GLYR1: variants seen among roughly 807,000 people sequenced by gnomAD.
GLYR1 encodes the protein cytokine-like nuclear factor N-PAC.
Under a neutral mutation model 72.7 loss-of-function variants are expected in GLYR1, and 21 were observed. That is an observed-to-expected ratio of 0.29 (90% CI 0.20 to 0.42). GLYR1 has a LOEUF of 0.42. GLYR1 is among the 10% of genes least tolerant of loss of function. GLYR1 has a pLI of 1.00. For synonymous variants in GLYR1, 392 were observed against 270.2 expected, an observed-to-expected ratio of 1.45 and a Z score of -4.42; for missense variants, 594 against 712.1, an observed-to-expected ratio of 0.83 and a Z score of 1.89.
intron 3 of GLYR1, among the ~76,000 whole-genome samples, chr16:4,842,492 C>T (rs1042039304): frequency 6.6e-5 from 10 of 151,400 alleles, no homozygotes; most frequent in African/African-American, 2.4e-4. Flanking sequence ...TGGGACTACA[C>T]TTGTGTGCCA....
chr16:4,814,330 C>G (rs2083492901), intron 11 of GLYR1, among the ~76,000 whole-genome samples: 1 of 152,200 alleles, frequency 6.6e-6, no homozygotes, highest in African/African-American at 2.4e-5. Context: ...TTCAAGGGCC[C>G]TAGTAGTGTT....
At chr16:4,830,414 C>G (rs1041360923) in intron 5 of GLYR1, among the ~76,000 whole-genome samples, 3 of 152,102 alleles carry the variant, frequency 2.0e-5, no homozygotes, top group Non-Finnish European at 4.4e-5. Flanking sequence ...GGCTAGAACC[C>G]TGTGGACAGA....
intron 3 of GLYR1, 120 bp from the exon 4 acceptor site, chr16:4,833,032 C>A: frequency 1.2e-6 from 1 of 838,260 alleles, no homozygotes. Flanking sequence ...TGCAATAGGC[C>A]TTGCCATTTC....
chr16:4,822,738 T>G (rs1389117482), intron 7 of GLYR1, 137 bp downstream of exon 7: 1 of 722,336 alleles, frequency 1.4e-6, no homozygotes, highest in Non-Finnish European at 2.4e-6. Flanking sequence ...CGGGCCCATA[T>G]GGGGGCTTCT....
intron 1 of GLYR1, 122 bp from the exon 2 acceptor site, chr16:4,846,332 G>C: frequency 9.3e-7 from 1 of 1,077,632 alleles, no homozygotes; most frequent in African/African-American, 1.6e-5. Context: ...CGAAACAAAA[G>C]CTTTCATAGC....
At chr16:4,811,869 TCACCTCTGCTCAGACC>T in intron 13 of GLYR1, 67 bp from the exon 14 acceptor site, 1 of 1,528,898 alleles carries the variant, frequency 6.5e-7, no homozygotes, top group Non-Finnish European at 8.8e-7. Context: ...CTGTCCACCC[TCACCTCTGCTCAGACC>T]CACCTCTCTC....
chr16:4,844,586 C>G (rs2085829065), intron 3 of GLYR1, among the ~76,000 whole-genome samples: 1 of 152,144 alleles, frequency 6.6e-6, no homozygotes, highest in Non-Finnish European at 1.5e-5. Flanking sequence ...TCCTGGGCAA[C>G]ATGGTAAAAC....
chr16:4,842,382 C>T (rs1272179624), intron 3 of GLYR1, among the ~76,000 whole-genome samples: 1 of 152,140 alleles, frequency 6.6e-6, no homozygotes, highest in East Asian at 1.9e-4. Flanking sequence ...CAGGGTCTAG[C>T]TCTGTCACCC....
rs569293876 is a variant in GLYR1 at position 4,843,705 on chromosome 16, G to T, written c.155+1369C>A. ...CTTTCTAAGTAGAAATACTTTAACC[G>T]TCAGAATTAGATTTACCAGAGAAGC... On this transcript the variant is annotated intron_variant, in intron 3 of 15. Transcript: ENST00000321919. 14 of 1,167,160 alleles carry T rather than the reference G, an allele frequency of 1.2e-5. No homozygotes were observed. In the East Asian group the frequency reaches 4.3e-4, roughly 36 times the overall value. 72.3% of individuals were successfully genotyped at this position (1,167,160 alleles called of 1,614,324 possible). A position where few individuals can be genotyped will look rare whatever the true frequency, so the allele number is the denominator to read the frequency against.
At chr16:4,827,153 C>G (rs1049840601) in intron 5 of GLYR1, among the ~76,000 whole-genome samples, 1 of 152,232 alleles carries the variant, frequency 6.6e-6, no homozygotes, top group South Asian at 2.1e-4. Flanking sequence ...TTCCATTAAT[C>G]CTCACGGGGC....
chr16:4,838,243 A>G (rs2142034152), intron 3 of GLYR1, among the ~76,000 whole-genome samples: 1 of 152,208 alleles, frequency 6.6e-6, no homozygotes, highest in Middle Eastern at 3.4e-3. Flanking sequence ...TATTAACCAC[A>G]TATTCTTCTA....
chr16:4,812,028 T>G (rs1363021925), intron 13 of GLYR1, 58 bp downstream of exon 13: 13 of 1,573,774 alleles, frequency 8.3e-6, no homozygotes, highest in Non-Finnish European at 3.4e-6. Context: ...CTGTCATCAG[T>G]GTGAAACAGA....
chr16:4,839,660 T>G (rs374675073), intron 3 of GLYR1: 1 of 152,180 alleles, frequency 6.6e-6, no homozygotes, highest in Non-Finnish European at 1.5e-5. Flanking sequence ...GACACCTGAT[T>G]AGGAAGGTCT....
chr16:4,816,262 G>T (rs1274647864), intron 10 of GLYR1, among the ~76,000 whole-genome samples: 3 of 152,060 alleles, frequency 2.0e-5, no homozygotes, highest in Non-Finnish European at 4.4e-5. Context: ...TCTGGCCTCA[G>T]CCTCCCAAGT....
At chr16:4,818,229 G>A (rs530004618) in intron 9 of GLYR1, among the ~76,000 whole-genome samples, 5 of 152,208 alleles carry the variant, frequency 3.3e-5, no homozygotes, top group South Asian at 2.1e-4. Context: ...TCCTGACCTC[G>A]TGATCTGCCC....
At position 4,805,146 on chromosome 16, in the gene GLYR1, G is replaced by T; in HGVS notation, c.*90C>A. 9.6e-7 allele frequency: 1 copy of T among 1,044,114 alleles called. No homozygotes were observed. The highest frequency in any genetic ancestry group is 1.5e-6 in the Non-Finnish European group (1 of 672,806). The allele number at this position is 1,044,114 out of a possible 1,614,324, so 64.7% of individuals were successfully genotyped here. A position where few individuals can be genotyped will look rare whatever the true frequency, so the allele number is the denominator to read the frequency against. On this transcript the variant is annotated 3_prime_UTR_variant, in exon 16 of 16. Coordinates refer to ENST00000321919, the MANE Select transcript of GLYR1 (RefSeq NM_032569.4). ...AAAGGAAATGGAGATAGGTGGGCTG[G>T]TCCAGAATGAACTCCCAGGCCCCCG...
In GLYR1 at chr16:4,834,292, T is replaced by C. The variant is rs528868873; in HGVS notation, c.156-1380A>G. ...GCTCCAACTAGAGGAGTTAGGCAAA[T>C]TCCTTTTTTTTTTTTTTTTTTTTTT... On this transcript the variant is annotated intron_variant, in intron 3 of 15. Transcript: ENST00000321919. Among the ~76,000 whole-genome samples the C allele has an allele frequency of 3.8e-3, 556 of 146,534 alleles. 2 individuals carry two copies. The highest frequency in any genetic ancestry group is 0.014 in the African/African-American group (527 of 37,556).
chr16:4,816,501 T>TA (rs2083651358), intron 10 of GLYR1, among the ~76,000 whole-genome samples: 1 of 152,220 alleles, frequency 6.6e-6, no homozygotes, highest in African/African-American at 2.4e-5. Context: ...CTATGTTTAA[T>TA]AAAAGCAACA....
Position 4,804,147 on chromosome 16 carries a change from G to A in GLYR1, c.*1089C>T, listed in dbSNP as rs534186037. 3 of 152,332 alleles carry A rather than the reference G, an allele frequency of 2.0e-5. No homozygotes were observed. The highest frequency in any genetic ancestry group is 2.9e-5 in the Non-Finnish European group (2 of 68,122). 9.4% of individuals were successfully genotyped at this position (152,332 alleles called of 1,614,324 possible). A position where few individuals can be genotyped will look rare whatever the true frequency, so the allele number is the denominator to read the frequency against. On this transcript the variant is annotated 3_prime_UTR_variant, in exon 16 of 16. Coordinates refer to ENST00000321919, the MANE Select transcript of GLYR1 (RefSeq NM_032569.4). ...AAATGCTCATCGTTGGTCAGGCTGGGTCTGGGCCAAAGGGACAGACAGAAA... is the reference window on the plus strand; with the variant it reads ...AAATGCTCATCGTTGGTCAGGCTGGATCTGGGCCAAAGGGACAGACAGAAA...
Sources: allele counts gnomAD v4.1 joint callset (sites outside exome capture counted in the v4.1 genomes callset), GRCh38; gene constraint gnomAD v4.1.1; transcripts MANE v1.5; gene names NCBI Gene and HGNC (gene_info 2026-07-23, HGNC 2026-07-21).